PTPRB: variants seen among roughly 807,000 people sequenced by gnomAD.
The protein encoded by PTPRB is protein tyrosine phosphatase receptor type B.
PTPRB carries 97 observed loss-of-function variants against 238.1 expected under a neutral mutation model. The observed-to-expected ratio is 0.41, with a 90% CI of 0.35 to 0.48. The LOEUF (loss-of-function observed/expected upper bound fraction) is 0.48. Among genes scored for constraint, PTPRB ranks in the 20% least tolerant of loss-of-function variants. PTPRB has a pLI of 0.30. For missense variants in PTPRB, 2,292 were observed against 2,681.9 expected, an observed-to-expected ratio of 0.85 and a Z score of 3.21; for synonymous variants, 970 against 995.4, an observed-to-expected ratio of 0.97 and a Z score of 0.48.
At chr12:70,528,274 T>C (rs948646661) in intron 32 of PTPRB, among the ~76,000 whole-genome samples, 1 of 152,104 alleles carries the variant, frequency 6.6e-6, no homozygotes, top group Non-Finnish European at 1.5e-5. Flanking sequence ...GAGGAGTAAG[T>C]AGGGGCCAGG....
intron 2 of PTPRB, among the ~76,000 whole-genome samples, chr12:70,626,296 CATCTATCTATCTATCTATCTATCT>C (rs35084668): frequency 1.1e-4 from 10 of 91,940 alleles, no homozygotes; most frequent in South Asian, 7.5e-4. Flanking sequence ...TCTATCCATC[CATCTATCTATCTATCTATCTATCT>C]ATCTATCTAT....
At chr12:70,573,991 AT>A (rs1880411810) in intron 11 of PTPRB, among the ~76,000 whole-genome samples, 1 of 152,116 alleles carries the variant, frequency 6.6e-6, no homozygotes, top group Non-Finnish European at 1.5e-5. Flanking sequence ...TTGGGGCTGA[AT>A]TTTAATTCAA....
rs1353268555 is a variant in PTPRB, at chr12:70,516,050, TATA to T, written c.*5436_*5438del. The T allele has an allele frequency of 6.6e-6, 1 of 152,162 alleles. No individual in the cohort carries two copies. The highest frequency in any genetic ancestry group is 1.5e-5 in the Non-Finnish European group (1 of 68,026). The allele number at this position is 152,162 out of a possible 1,614,324, so 9.4% of individuals were successfully genotyped here. A position where few individuals can be genotyped will look rare whatever the true frequency, so the allele number is the denominator to read the frequency against. On this transcript the variant is annotated 3_prime_UTR_variant, in exon 34 of 34. Coordinates refer to ENST00000334414, the MANE Select transcript of PTPRB (RefSeq NM_001109754.4). ...AGTTAGAAATATTGTGGGTAGATGCTATAATATGAAAAAATAGAATCATCTGCC... is the reference window on the plus strand; with the variant it reads ...AGTTAGAAATATTGTGGGTAGATGCTATATGAAAAAATAGAATCATCTGCC...
chr12:70,633,698 G>A (rs1378179076), intron 2 of PTPRB, among the ~76,000 whole-genome samples: 2 of 152,012 alleles, frequency 1.3e-5, no homozygotes, highest in African/African-American at 2.4e-5. Context: ...TTGTTCAGTG[G>A]TTAATTGCAA....
At chr12:70,528,769 G>A (rs1872756332) in intron 32 of PTPRB, among the ~76,000 whole-genome samples, 1 of 152,124 alleles carries the variant, frequency 6.6e-6, no homozygotes, top group South Asian at 2.1e-4. Flanking sequence ...GTCCAGTCTG[G>A]GCAACATAAT....
intron 3 of PTPRB, among the ~76,000 whole-genome samples, chr12:70,620,107 T>C (rs570338085): frequency 1.3e-5 from 2 of 152,350 alleles, no homozygotes; most frequent in African/African-American, 4.8e-5. Context: ...GTTAAAACTT[T>C]GCTTAAGCTT....
chr12:70,571,271 T>A lies in PTPRB; in HGVS notation c.3125A>T (p.Asp1042Val), dbSNP rs184747951. ...NGRTIPEPVK[D>V]LTLRNRSTED... ...AGTGCTCCTGTTGCGCAATGTTAGA[T>A]CCTTAACAGGCTCTGGAACTAGGGA... Residue 1042 changes from aspartate to valine, a missense_variant, in exon 13 of 34, where the codon GAT becomes GTT. By Grantham distance (152) the Asp-to-Val change is radical (BLOSUM62 -3). Around this residue, in one of 4 missense-constraint regions of PTPRB, gnomAD observed 1,205 missense variants for 1,287.8 expected, o/e 0.94. Coordinates refer to ENST00000334414, the MANE Select transcript of PTPRB (RefSeq NM_001109754.4). 6.2e-6 allele frequency: 10 copies of A among 1,604,178 alleles called. No individual in the cohort carries two copies. In the East Asian group the frequency reaches 1.3e-4, roughly 21 times the overall value.
In PTPRB at chr12:70,569,829, T is replaced by C; in HGVS notation, c.3480A>G (p.Ala1160=). The C allele has an allele frequency of 6.2e-7, 1 of 1,614,006 alleles. No individual in the cohort carries two copies. The highest frequency in any genetic ancestry group is 8.5e-7 in the Non-Finnish European group (1 of 1,179,892). The change falls in exon 14 of 34, where the codon GCA becomes GCG. Residue 1160 remains alanine, a synonymous_variant. Coordinates refer to ENST00000334414, the MANE Select transcript of PTPRB (RefSeq NM_001109754.4). The part of the protein sequence containing the change: ...GGDVDSYTVS[A]FRHSQKVDSQ... ...AGTCAACCTTTTGACTGTGCCTGAA[T>C]GCCGACACCGTGTAGGAATCAACGT...
intron 4 of PTPRB, among the ~76,000 whole-genome samples, chr12:70,599,976 G>GTTT (rs11471163): frequency 7.2e-6 from 1 of 137,942 alleles, no homozygotes; most frequent in Non-Finnish European, 1.6e-5. Context: ...GAAAGACCCT[G>GTTT]TTTTTTTTTT....
intron 21 of PTPRB, among the ~76,000 whole-genome samples, chr12:70,547,019 T>G (rs1261036051): frequency 6.6e-6 from 1 of 151,790 alleles, no homozygotes; most frequent in Non-Finnish European, 1.5e-5. Flanking sequence ...TTTTTTTTTT[T>G]GTTTTTGTTT....
rs530329739 is a variant in PTPRB at position 70,596,439 on chromosome 12, G to T, written c.980-112C>A. 1.4e-5 allele frequency: 16 copies of T among 1,107,672 alleles called. No homozygotes were observed. In the Admixed American group the frequency reaches 2.9e-4, roughly 20 times the overall value. The allele number at this position is 1,107,672 out of a possible 1,614,324, so 68.6% of individuals were successfully genotyped here. A position where few individuals can be genotyped will look rare whatever the true frequency, so the allele number is the denominator to read the frequency against. On this transcript the variant is annotated intron_variant, in intron 4 of 33. Transcript: ENST00000334414. ...AACTGCTTATTTTACTGCAGTCCAG[G>T]TTCATTTTTCTCAAAAATCTGTTAT...
At chr12:70,529,531 C>T (rs1872862736) in intron 32 of PTPRB, among the ~76,000 whole-genome samples, 1 of 151,968 alleles carries the variant, frequency 6.6e-6, no homozygotes, top group South Asian at 2.1e-4. Flanking sequence ...GATATTTGTT[C>T]ATTCATTTAA....
chr12:70,600,318 G>T (rs1883370036), intron 4 of PTPRB, among the ~76,000 whole-genome samples: 1 of 152,140 alleles, frequency 6.6e-6, no homozygotes, highest in Non-Finnish European at 1.5e-5. Flanking sequence ...ACTCACTCGT[G>T]TTGTATAGGA....
At chr12:70,537,183 C>T (rs894608224) in intron 28 of PTPRB, among the ~76,000 whole-genome samples, 1 of 146,134 alleles carries the variant, frequency 6.8e-6, no homozygotes, top group African/African-American at 2.5e-5. Flanking sequence ...GCTACTCGGG[C>T]GGCTGAGGCA....
At chr12:70,573,886 C>A (rs1417605242) in intron 11 of PTPRB, among the ~76,000 whole-genome samples, 1 of 152,078 alleles carries the variant, frequency 6.6e-6, no homozygotes, top group Non-Finnish European at 1.5e-5. Flanking sequence ...CCCTCCCCAA[C>A]CAGTAAATAA....
chr12:70,619,100 T>C (rs1343307520), intron 3 of PTPRB, among the ~76,000 whole-genome samples: 1 of 151,998 alleles, frequency 6.6e-6, no homozygotes, highest in South Asian at 2.1e-4. Flanking sequence ...CTCCTTGGCA[T>C]TTACCTTTAT....
intron 14 of PTPRB, among the ~76,000 whole-genome samples, chr12:70,568,070 T>G (rs1879537213): frequency 6.6e-6 from 1 of 152,146 alleles, no homozygotes; most frequent in Admixed American, 6.6e-5. Context: ...GTTTTCTCTG[T>G]TGGAACGAAG....
intron 4 of PTPRB, 25 bp from the exon 5 acceptor site, chr12:70,596,352 C>CA (rs754642311): frequency 3.8e-4 from 460 of 1,195,442 alleles, no homozygotes; most frequent in Middle Eastern, 2.2e-3. Context: ...CACACACACA[C>CA]ACAAAAAAAA....
chr12:70,590,070 C>G lies in PTPRB; in HGVS notation c.1944G>C (p.Gln648His). ...LNITVGKEET[Q>H]YVMDDTGLVP... ...CGAGCCCCGTGTCATCCATGACATA[C>G]TGTGTTTCTTCCTTTCCCACAGTGA... Residue 648 changes from glutamine to histidine, a missense_variant, in exon 8 of 34, where the codon CAG becomes CAC. Around this residue, in one of 4 missense-constraint regions of PTPRB, gnomAD observed 1,205 missense variants for 1,287.8 expected, o/e 0.94. Transcript: ENST00000334414. 1 of 1,614,000 alleles carries G rather than the reference C, an allele frequency of 6.2e-7. No homozygotes were observed. Among genetic ancestry groups the G allele is most frequent in the Non-Finnish European group, 8.5e-7 (1 of 1,179,870 alleles).
Sources: allele counts gnomAD v4.1 joint callset (sites outside exome capture counted in the v4.1 genomes callset), GRCh38; gene constraint gnomAD v4.1.1; regional missense constraint gnomAD v4.1.1; transcripts MANE v1.5; gene names NCBI Gene and HGNC (gene_info 2026-07-23, HGNC 2026-07-21).